The following NXPH1 variants were observed in gnomAD, a reference collection of about 807,000 sequenced individuals.
NXPH1 encodes the protein neurexophilin 1, also known as neurexophilin-1.
Under a neutral mutation model 23.7 loss-of-function variants are expected in NXPH1, and 5 were observed. That is an observed-to-expected ratio of 0.21 (90% CI 0.11 to 0.44). The LOEUF (loss-of-function observed/expected upper bound fraction) is 0.44. Ranked by LOEUF, NXPH1 falls within the 20% of genes least tolerant of loss-of-function variation. The probability of loss-of-function intolerance (pLI) is 0.99; values close to 1 mark genes in which losing one functional copy is unlikely to be tolerated. For synonymous variants in NXPH1, 144 were observed against 122.2 expected, an observed-to-expected ratio of 1.18 and a Z score of -1.18; for missense variants, 324 against 321.6, an observed-to-expected ratio of 1.01 and a Z score of -0.06.
At chr7:8,464,545 C>T (rs1390239097) in intron 2 of NXPH1, among the ~76,000 whole-genome samples, 1 of 152,188 alleles carries the variant, frequency 6.6e-6, no homozygotes, top group Non-Finnish European at 1.5e-5. Context: ...CTGCTCCCTA[C>T]ACATGCTCAA....
chr7:8,450,025 C>T (rs528077104), intron 2 of NXPH1, among the ~76,000 whole-genome samples: 1 of 152,238 alleles, frequency 6.6e-6, no homozygotes, highest in East Asian at 1.9e-4. Flanking sequence ...AAAAATGATC[C>T]CTGGGTCTCA....
intron 2 of NXPH1, among the ~76,000 whole-genome samples, chr7:8,610,379 GTCTATTTCCAGA>G (rs1327964052): frequency 6.6e-6 from 1 of 152,040 alleles, no homozygotes; most frequent in Non-Finnish European, 1.5e-5. Flanking sequence ...ATAATTTTCT[GTCTATTTCCAGA>G]TCTTCATTCC....
chr7:8,699,291 C>T (rs1054444603), intron 2 of NXPH1, among the ~76,000 whole-genome samples: 11 of 152,104 alleles, frequency 7.2e-5, no homozygotes, highest in African/African-American at 2.7e-4. Flanking sequence ...TCAGGACTAT[C>T]ACAATGGAAA....
chr7:8,544,004 C>T (rs1818158635), intron 2 of NXPH1, among the ~76,000 whole-genome samples: 1 of 151,496 alleles, frequency 6.6e-6, no homozygotes, highest in Non-Finnish European at 1.5e-5. Flanking sequence ...TAACCGAGTT[C>T]ATACAGTTAA....
At chr7:8,621,659 G>A (rs1819875515) in intron 2 of NXPH1, among the ~76,000 whole-genome samples, 1 of 151,874 alleles carries the variant, frequency 6.6e-6, no homozygotes, top group East Asian at 1.9e-4. Flanking sequence ...GCTAATTTTT[G>A]TATTTTAGTA....
intron 2 of NXPH1, among the ~76,000 whole-genome samples, chr7:8,507,741 C>G (rs116028853): frequency 1.3e-5 from 2 of 152,058 alleles, no homozygotes; most frequent in Non-Finnish European, 2.9e-5. Flanking sequence ...TTTACCAACC[C>G]ACAAACATTT....
chr7:8,548,857 T>C (rs2128619377), intron 2 of NXPH1, among the ~76,000 whole-genome samples: 1 of 151,694 alleles, frequency 6.6e-6, no homozygotes, highest in African/African-American at 2.4e-5. Context: ...TGCTTGGTTT[T>C]GTCTTTGACA....
At chr7:8,640,988 AG>A in intron 2 of NXPH1, among the ~76,000 whole-genome samples, 1 of 152,244 alleles carries the variant, frequency 6.6e-6, no homozygotes, top group South Asian at 2.1e-4. Flanking sequence ...AAATTTAAAA[AG>A]TGTTATTTAT....
chr7:8,583,257 A>G (rs956095409), intron 2 of NXPH1, among the ~76,000 whole-genome samples: 2 of 152,218 alleles, frequency 1.3e-5, no homozygotes, highest in Non-Finnish European at 2.9e-5. Context: ...TTTCCCAACC[A>G]TCTACTATAG....
chr7:8,457,545 T>TTTTTTA (rs1346683632), intron 2 of NXPH1, among the ~76,000 whole-genome samples: 1 of 151,242 alleles, frequency 6.6e-6, no homozygotes, highest in Non-Finnish European at 1.5e-5. Flanking sequence ...ATTCTTAGTT[T>TTTTTTA]TTTTTTTTTT....
At chr7:8,444,023 G>A (rs1563311899) in intron 2 of NXPH1, among the ~76,000 whole-genome samples, 1 of 152,184 alleles carries the variant, frequency 6.6e-6, no homozygotes, top group Non-Finnish European at 1.5e-5. Flanking sequence ...TTCCTCCACC[G>A]CAGCGGTCAC....
At chr7:8,567,342 T>C (rs1818564111) in intron 2 of NXPH1, among the ~76,000 whole-genome samples, 1 of 151,948 alleles carries the variant, frequency 6.6e-6, no homozygotes. Context: ...TCAAATCATT[T>C]CTGCAGGGGT....
At chr7:8,680,570 G>GAAACA (rs1821034128) in intron 2 of NXPH1, among the ~76,000 whole-genome samples, 1 of 152,168 alleles carries the variant, frequency 6.6e-6, no homozygotes, top group African/African-American at 2.4e-5. Context: ...ATTTTAAAAT[G>GAAACA]AAACAAAACT....
At chr7:8,450,977 A>G (rs1816496692) in intron 2 of NXPH1, among the ~76,000 whole-genome samples, 1 of 152,222 alleles carries the variant, frequency 6.6e-6, no homozygotes, top group Non-Finnish European at 1.5e-5. Context: ...TATTTATAGA[A>G]TGTGTGCTTT....
chr7:8,726,212 T>G (rs1780050090), intron 2 of NXPH1, among the ~76,000 whole-genome samples: 1 of 152,088 alleles, frequency 6.6e-6, no homozygotes, highest in African/African-American at 2.4e-5. Context: ...GGTACAAATG[T>G]CTTACATATA....
At chr7:8,451,923 G>T (rs1414258936) in intron 2 of NXPH1, among the ~76,000 whole-genome samples, 3 of 152,182 alleles carry the variant, frequency 2.0e-5, no homozygotes, top group Non-Finnish European at 4.4e-5. Flanking sequence ...TGGGTGCATA[G>T]GGTTCACCAT....
At chr7:8,517,325 C>G (rs534550022) in intron 2 of NXPH1, among the ~76,000 whole-genome samples, 2 of 152,020 alleles carry the variant, frequency 1.3e-5, no homozygotes, top group South Asian at 4.2e-4. Context: ...TTTAACTGAT[C>G]AGAGTGAGGA....
chr7:8,751,980 A>AT lies in NXPH1; in HGVS notation c.*215dup. 1 of 545,556 alleles carries AT rather than the reference A, an allele frequency of 1.8e-6. No homozygotes were observed. The highest frequency in any genetic ancestry group is 3.2e-6 in the Non-Finnish European group (1 of 307,994). The allele number at this position is 545,556 out of a possible 1,614,324, so 33.8% of individuals were successfully genotyped here. On this transcript the variant is annotated 3_prime_UTR_variant, in exon 3 of 3. Transcript: ENST00000405863. The surrounding 1 kb of genome is among the most constrained non-coding windows in gnomAD (Gnocchi z 4.5). ...TCAGTATAATTGTAAATCATCACAG[A>AT]TTTTGAATTCACACCTGAAGACATG...
At chr7:8,713,734 G>A (rs1015282109) in intron 2 of NXPH1, among the ~76,000 whole-genome samples, 2 of 152,184 alleles carry the variant, frequency 1.3e-5, no homozygotes, top group African/African-American at 2.4e-5. Context: ...TCACCTTGGT[G>A]GTCTTGGATA....
Sources: gnomAD v4.1 joint callset for allele counts (sites outside exome capture counted in the v4.1 genomes callset) on GRCh38, gnomAD v4.1.1 for gene constraint, Gnocchi (gnomAD v3.1) non-coding constraint, MANE v1.5 for transcripts, NCBI Gene and HGNC (gene_info 2026-07-23, HGNC 2026-07-21) for gene names.